The following SLC25A21 variants were observed in gnomAD, a reference collection of about 807,000 sequenced individuals.
The protein encoded by SLC25A21 is mitochondrial 2-oxodicarboxylate carrier.
Under a neutral mutation model 43.8 loss-of-function variants are expected in SLC25A21, and 47 were observed. That is an observed-to-expected ratio of 1.07 (90% CI 0.85 to 1.37). SLC25A21 has a LOEUF of 1.37. Among genes scored for constraint, SLC25A21 ranks in the 40% most tolerant of loss-of-function variants. The pLI is 0.00. For synonymous variants in SLC25A21, 131 were observed against 121.3 expected, an observed-to-expected ratio of 1.08 and a Z score of -0.52; for missense variants, 352 against 350.2, an observed-to-expected ratio of 1.00 and a Z score of -0.04.
chr14:36,720,726 G>A (rs1293954081), intron 6 of SLC25A21, among the ~76,000 whole-genome samples: 1 of 152,238 alleles, frequency 6.6e-6, no homozygotes, highest in Non-Finnish European at 1.5e-5. Flanking sequence ...GATTGTGGTA[G>A]AATTCTTCCC....
At chr14:37,110,031 A>G (rs750040185) in intron 1 of SLC25A21, among the ~76,000 whole-genome samples, 33 of 152,186 alleles carry the variant, frequency 2.2e-4, no homozygotes, top group Non-Finnish European at 3.7e-4. Context: ...TTATAACATC[A>G]TAGTATTCCA....
At chr14:36,888,487 A>G (rs1890986549) in intron 1 of SLC25A21, among the ~76,000 whole-genome samples, 1 of 152,172 alleles carries the variant, frequency 6.6e-6, no homozygotes, top group South Asian at 2.1e-4. Flanking sequence ...ATGAGAGCAA[A>G]TTATACAGAT....
rs1482229159 is a variant in SLC25A21, at chr14:37,094,234, T to C, written c.70+78047A>G. ...TAGATAATTTTTCTAAAGATCTAGATAGTCATCCTGTGATCAATCTCCGCT... is the reference window on the plus strand; with the variant it reads ...TAGATAATTTTTCTAAAGATCTAGACAGTCATCCTGTGATCAATCTCCGCT... On this transcript the variant is annotated intron_variant, in intron 1 of 9. Coordinates refer to ENST00000331299, the MANE Select transcript of SLC25A21 (RefSeq NM_030631.4). Among the ~76,000 whole-genome samples the C allele has an allele frequency of 7.9e-5, 12 of 152,144 alleles. No homozygotes were observed. In the South Asian group the frequency reaches 8.3e-4, roughly 11 times the overall value.
At chr14:37,014,358 G>A (rs1331396929) in intron 1 of SLC25A21, among the ~76,000 whole-genome samples, 2 of 152,088 alleles carry the variant, frequency 1.3e-5, no homozygotes, top group African/African-American at 2.4e-5. Flanking sequence ...TCAATCCTTT[G>A]TTGTCATTTC....
chr14:37,045,551 G>A (rs1006593251), intron 1 of SLC25A21, among the ~76,000 whole-genome samples: 4 of 152,180 alleles, frequency 2.6e-5, no homozygotes, highest in African/African-American at 9.7e-5. Flanking sequence ...GACATTCAGC[G>A]ACTCAAAGTA....
chr14:36,682,067 A>C (rs952622429), intron 9 of SLC25A21, among the ~76,000 whole-genome samples: 1 of 152,200 alleles, frequency 6.6e-6, no homozygotes, highest in Non-Finnish European at 1.5e-5. Context: ...AGCCACATTG[A>C]GCTGCTAAGG....
chr14:36,841,122 T>A (rs1165136093), intron 2 of SLC25A21, among the ~76,000 whole-genome samples: 2 of 152,226 alleles, frequency 1.3e-5, no homozygotes, highest in African/African-American at 4.8e-5. Flanking sequence ...AACTGAAGTA[T>A]CAACATGCCC....
At chr14:36,709,501 T>A (rs1325951812) in intron 7 of SLC25A21, among the ~76,000 whole-genome samples, 2 of 152,212 alleles carry the variant, frequency 1.3e-5, no homozygotes, top group East Asian at 1.9e-4. Context: ...GCTCTGAGGG[T>A]CCCTGGAGTC....
rs898749509 is a variant in SLC25A21, at chr14:36,680,624, A to G, written c.*34T>C. ...TCATGGTGCTGCATAGCAAATATCC[A>G]TTATCTCAAGGGGGAAAAACACTTC... On this transcript the variant is annotated 3_prime_UTR_variant, in exon 10 of 10. Coordinates refer to ENST00000331299, the MANE Select transcript of SLC25A21 (RefSeq NM_030631.4). The G allele has an allele frequency of 6.2e-7, 1 of 1,609,336 alleles. No homozygotes were observed.
At chr14:36,718,981 A>C in intron 6 of SLC25A21, among the ~76,000 whole-genome samples, 1 of 152,208 alleles carries the variant, frequency 6.6e-6, no homozygotes, top group Admixed American at 6.5e-5. Flanking sequence ...AACGTAGATA[A>C]AAAATGACAG....
At chr14:36,957,805 A>G (rs1416208805) in intron 1 of SLC25A21, among the ~76,000 whole-genome samples, 1 of 152,216 alleles carries the variant, frequency 6.6e-6, no homozygotes, top group African/African-American at 2.4e-5. Flanking sequence ...TAGCATTAGA[A>G]TAGGCTTCTG....
intron 3 of SLC25A21, among the ~76,000 whole-genome samples, chr14:36,755,414 C>A (rs970910269): frequency 6.6e-6 from 1 of 152,196 alleles, no homozygotes; most frequent in Non-Finnish European, 1.5e-5. Context: ...CACATATACA[C>A]ACTCACAGGC....
chr14:37,066,508 AG>A (rs1168746725), intron 1 of SLC25A21, among the ~76,000 whole-genome samples: 1 of 152,182 alleles, frequency 6.6e-6, no homozygotes, highest in Non-Finnish European at 1.5e-5. Context: ...ATACTTTTTA[AG>A]TGGTAAATTA....
intron 1 of SLC25A21, among the ~76,000 whole-genome samples, chr14:37,008,210 CA>C (rs1960651501): frequency 1.3e-5 from 2 of 152,240 alleles, no homozygotes; most frequent in Middle Eastern, 6.8e-3. Context: ...GCCTAAAACT[CA>C]TGGTTGAAAG....
At chr14:37,162,015 A>G (rs1222719044) in intron 1 of SLC25A21, among the ~76,000 whole-genome samples, 3 of 150,802 alleles carry the variant, frequency 2.0e-5, no homozygotes, top group Non-Finnish European at 4.4e-5. Flanking sequence ...AATTAAAAAG[A>G]TAGGGAGAGA....
intron 1 of SLC25A21, among the ~76,000 whole-genome samples, chr14:37,141,666 T>C (rs1963572602): frequency 6.6e-6 from 1 of 152,226 alleles, no homozygotes; most frequent in South Asian, 2.1e-4. Context: ...AGTAGCAAGT[T>C]GCCCCATTAA....
chr14:36,855,170 CTCCAAGGAGGAT>C (rs1398009843), intron 2 of SLC25A21, among the ~76,000 whole-genome samples: 2 of 152,022 alleles, frequency 1.3e-5, no homozygotes, highest in Non-Finnish European at 2.9e-5. Context: ...GTTCTGAGAA[CTCCAAGGAGGAT>C]TAACAAGCAC....
intron 3 of SLC25A21, among the ~76,000 whole-genome samples, chr14:36,808,003 G>GTTTGA (rs1888105758): frequency 6.6e-6 from 1 of 152,150 alleles, no homozygotes; most frequent in Non-Finnish European, 1.5e-5. Context: ...TCACCAAGTG[G>GTTTGA]TCTGATTGTA....
At chr14:37,105,182 T>G (rs1250060275) in intron 1 of SLC25A21, among the ~76,000 whole-genome samples, 1 of 152,164 alleles carries the variant, frequency 6.6e-6, no homozygotes, top group African/African-American at 2.4e-5. Flanking sequence ...AACAAGTGTT[T>G]TTATCTGAGT....
Sources: allele counts gnomAD v4.1 joint callset (sites outside exome capture counted in the v4.1 genomes callset), GRCh38; gene constraint gnomAD v4.1.1; transcripts MANE v1.5; gene names NCBI Gene and HGNC (gene_info 2026-07-23, HGNC 2026-07-21).